Variants in PKLR observed in about 807,000 individuals in gnomAD.
PKLR encodes the protein pyruvate kinase L/R.
A neutral mutation model predicts 53.6 loss-of-function variants in PKLR; 38 were observed. That is an observed-to-expected ratio of 0.71 (90% CI 0.55 to 0.93). The LOEUF (loss-of-function observed/expected upper bound fraction) is 0.93. PKLR is among the 40% of genes least tolerant of loss of function. The pLI is 0.00. For synonymous variants in PKLR, 328 were observed against 316.2 expected, an observed-to-expected ratio of 1.04 and a Z score of -0.39; for missense variants, 702 against 787.3, an observed-to-expected ratio of 0.89 and a Z score of 1.30.
At chr1:155,292,870 C>T (rs903341453) in intron 9 of PKLR, among the ~76,000 whole-genome samples, 1 of 152,138 alleles carries the variant, frequency 6.6e-6, no homozygotes, top group Non-Finnish European at 1.5e-5. Context: ...AAACTCAGAC[C>T]TACTGGACCC....
intron 2 of PKLR, among the ~76,000 whole-genome samples, chr1:155,297,986 A>G (rs1647690834): frequency 6.6e-6 from 1 of 152,052 alleles, no homozygotes; most frequent in Non-Finnish European, 1.5e-5. Flanking sequence ...CGTACTCCTG[A>G]TGCCCTTATC....
intron 2 of PKLR, among the ~76,000 whole-genome samples, chr1:155,298,979 TTTCTTTCTTTC>T (rs1647777699): frequency 1.2e-5 from 1 of 86,818 alleles, no homozygotes; most frequent in Non-Finnish European, 2.1e-5. Context: ...TCTTTCTTTC[TTTCTTTCTTTC>T]TTTCTTTCTT....
the PKLR span, among the ~76,000 whole-genome samples, chr1:155,307,162 C>A: frequency 6.6e-6 from 1 of 152,210 alleles, no homozygotes; most frequent in Non-Finnish European, 1.5e-5. Context: ...ATCCGCCCAC[C>A]TTGGCCTCCC....
intron 10 of PKLR, 99 bp downstream of exon 10, chr1:155,291,657 C>T (rs1347031081): frequency 9.5e-7 from 1 of 1,050,126 alleles, no homozygotes; most frequent in African/African-American, 1.6e-5. Flanking sequence ...CCTGGGACCA[C>T]AGGAGAGAGG....
upstream of PKLR, among the ~76,000 whole-genome samples, chr1:155,303,005 T>C (rs187073168): frequency 1.1e-4 from 16 of 152,304 alleles, no homozygotes; most frequent in East Asian, 3.1e-3. Context: ...GGATTACAAG[T>C]GTGAGCCATA....
chr1:155,307,007 C>T, the PKLR span, among the ~76,000 whole-genome samples: 11 of 152,276 alleles, frequency 7.2e-5, no homozygotes, highest in East Asian at 5.8e-4. Context: ...CTCTGCCTCC[C>T]GGGTTCAAGC....
In PKLR at chr1:155,301,313, A is replaced by G. The variant is rs780370877; in HGVS notation, c.83T>C (p.Leu28Pro). ...CTTCTTACCTCCTGGAGCCCCAATC[A>G]GGATGGACTTTGCTAAGTCTCTTTG... ...KSQRDLAKSI[L>P]IGAPGGPAGY... Residue 28 changes from leucine to proline, a missense_variant, in exon 1 of 11, where the codon CTG (leucine) becomes CCG (proline). Around this residue, in one of 2 missense-constraint regions of PKLR, gnomAD observed 519 missense variants for 537.1 expected, o/e 0.97. Transcript: ENST00000342741. The G allele has an allele frequency of 1.2e-6, 2 of 1,614,080 alleles. No homozygotes were observed. Among genetic ancestry groups the G allele is most frequent in the South Asian group, 1.1e-5 (1 of 91,080 alleles).
upstream of PKLR, among the ~76,000 whole-genome samples, chr1:155,303,295 G>A (rs371271616): frequency 7.9e-5 from 12 of 152,338 alleles, no homozygotes; most frequent in African/African-American, 2.6e-4. Context: ...CTAGCTGTGG[G>A]TTCAGCTGAT....
upstream of PKLR, among the ~76,000 whole-genome samples, chr1:155,305,925 A>AAAGTAC (rs1192079506): frequency 2.0e-5 from 3 of 151,824 alleles, no homozygotes; most frequent in Non-Finnish European, 4.4e-5. Flanking sequence ...AATTACAGGC[A>AAAGTAC]TGAGCCACCA....
In PKLR at chr1:155,290,510, G is replaced by A. The variant is rs542249964; in HGVS notation, c.*62C>T. 2.2e-5 allele frequency: 22 copies of A among 999,414 alleles called. No individual in the cohort carries two copies. The highest frequency in any genetic ancestry group is 6.5e-5 in the South Asian group (5 of 77,320). The allele number at this position is 999,414 out of a possible 1,614,324, so 61.9% of individuals were successfully genotyped here. On this transcript the variant is annotated 3_prime_UTR_variant, in exon 11 of 11. Coordinates refer to ENST00000342741, the MANE Select transcript of PKLR (RefSeq NM_000298.6). ...TTTGGAGGGGTGTGGGCTGGAGAAC[G>A]TAGACTGGGGAGGAAGGGATGGGGT...
chr1:155,300,912 C>G (rs373541741), intron 1 of PKLR: 1 of 1,607,444 alleles, frequency 6.2e-7, no homozygotes. Context: ...CTCTGGGTCT[C>G]CCTCTCTGTG....
the PKLR span, among the ~76,000 whole-genome samples, chr1:155,307,077 G>A: frequency 6.6e-6 from 1 of 152,162 alleles, no homozygotes; most frequent in African/African-American, 2.4e-5. Flanking sequence ...ACCATGCTGG[G>A]CTAATTTTGG....
rs747323509 is a variant in PKLR, at chr1:155,301,319, G to C, written c.77C>G (p.Ser26Cys). The change falls in exon 1 of 11, where the codon TCC becomes TGC. Residue 26 changes from serine to cysteine, a missense_variant. Ser to Cys is a moderately radical substitution (Grantham distance 112, BLOSUM62 -1). Around this residue, in one of 2 missense-constraint regions of PKLR, gnomAD observed 519 missense variants for 537.1 expected, o/e 0.97. Coordinates refer to ENST00000342741, the MANE Select transcript of PKLR (RefSeq NM_000298.6). ...ACCTCCTGGAGCCCCAATCAGGATGGACTTTGCTAAGTCTCTTTGGGACTT... is the reference window on the plus strand; with the variant it reads ...ACCTCCTGGAGCCCCAATCAGGATGCACTTTGCTAAGTCTCTTTGGGACTT... ...VSKSQRDLAKSILIGAPGGPA... is the reference protein window; with the variant it reads ...VSKSQRDLAKCILIGAPGGPA... 2.5e-6 allele frequency: 4 copies of C among 1,614,000 alleles called. 1 individual carries two copies. In the South Asian group the frequency reaches 4.4e-5, roughly 18 times the overall value.
upstream of PKLR, among the ~76,000 whole-genome samples, chr1:155,304,525 A>T (rs113205811): frequency 6.6e-5 from 10 of 151,656 alleles, no homozygotes; most frequent in African/African-American, 2.4e-4. Context: ...TAGGTGATGG[A>T]CTAGCATGTT....
chr1:155,301,449 A>G (rs370975634), upstream of PKLR: 1 of 1,613,668 alleles, frequency 6.2e-7, no homozygotes. Flanking sequence ...GGAGAGGATG[A>G]CAAAACTGCT....
chr1:155,298,555 G>A (rs1289958165), intron 2 of PKLR, among the ~76,000 whole-genome samples: 2 of 146,828 alleles, frequency 1.4e-5, no homozygotes, highest in Admixed American at 6.8e-5. Flanking sequence ...TCGAACTCCT[G>A]ACCTCAGGTG....
Position 155,293,302 on chromosome 1 carries a change from C to G in PKLR, c.1311G>C (p.Leu437=). 1.9e-6 allele frequency: 3 copies of G among 1,614,266 alleles called. No homozygotes were observed. The highest frequency in any genetic ancestry group is 4.5e-5 in the East Asian group (2 of 44,890). The stretch of plus-strand genomic sequence containing the variant: ...GCGCTGCCCGACGTAGCTCCTCAAA[C>G]AGCTGCCGGTGGTACACTGCGGCCT... ...EAEAAVYHRQ[L]FEELRRAAPL... Residue 437 remains leucine (L), a synonymous_variant, in exon 9 of 11, where the codon CTG becomes CTC. Coordinates refer to ENST00000342741, the MANE Select transcript of PKLR (RefSeq NM_000298.6). This position sits in a 1 kb window ranked among gnomAD's most constrained non-coding sequence, Gnocchi z 4.2.
intron 2 of PKLR, among the ~76,000 whole-genome samples, chr1:155,296,265 T>A (rs779393143): frequency 1.2e-4 from 19 of 152,170 alleles, no homozygotes; most frequent in Admixed American, 3.3e-4. Flanking sequence ...CTAGGTCTCC[T>A]CCTTCTCACC....
upstream of PKLR, among the ~76,000 whole-genome samples, chr1:155,306,021 T>G (rs1648224553): frequency 6.6e-6 from 1 of 152,100 alleles, no homozygotes; most frequent in Non-Finnish European, 1.5e-5. This position sits in a 1 kb window ranked among gnomAD's most constrained non-coding sequence, Gnocchi z 4.2. Context: ...CCCAAGGGAT[T>G]AGCAGGAGGT....
Sources: gnomAD v4.1 joint callset for allele counts (sites outside exome capture counted in the v4.1 genomes callset) on GRCh38, gnomAD v4.1.1 for gene constraint, gnomAD v4.1.1 regional missense constraint, Gnocchi (gnomAD v3.1) non-coding constraint, MANE v1.5 for transcripts, NCBI Gene and HGNC (gene_info 2026-07-23, HGNC 2026-07-21) for gene names.